The following ZNF410 variants were observed in gnomAD, a reference collection of about 807,000 sequenced individuals.
ZNF410 encodes another partner for ARF 1.
ZNF410 carries 18 observed loss-of-function variants against 54.8 expected under a neutral mutation model. That is an observed-to-expected ratio of 0.33 (90% confidence interval 0.23 to 0.49). ZNF410 has a LOEUF of 0.49. Among genes scored for constraint, ZNF410 ranks in the 20% least tolerant of loss-of-function variants. The pLI is 0.99. For synonymous variants in ZNF410, 191 were observed against 207.3 expected (o/e 0.92, Z 0.68); for missense variants, 405 against 569.6 (o/e 0.71, Z 2.94).
intron 8 of ZNF410, chr14:73,914,833 G>GGCC (rs2055639592): frequency 6.6e-6 from 1 of 150,460 alleles, no homozygotes; most frequent in South Asian, 2.1e-4. Flanking sequence ...TCAGCATGTT[G>GGCC]GCCAGGCTGG....
At chr14:73,923,244 T>C in intron 10 of ZNF410, 151 bp from the exon 11 acceptor site, 1 of 832,916 alleles carries the variant, frequency 1.2e-6, no homozygotes, top group Non-Finnish European at 1.7e-6. Flanking sequence ...TCACTGATAA[T>C]GCTTATCAGA....
At chr14:73,922,279 C>T (rs1340686475) in intron 10 of ZNF410, 73 bp downstream of exon 10, 2 of 1,462,626 alleles carry the variant, frequency 1.4e-6, no homozygotes, top group Non-Finnish European at 1.9e-6. Flanking sequence ...GGTGTCTCCA[C>T]AATGTATGTT....
chr14:73,893,590 C>T lies in ZNF410; in HGVS notation c.34-207C>T, dbSNP rs112323434. 3.1e-3 allele frequency: 1,486 copies of T among 474,450 alleles called. 13 individuals are homozygous for T. Among genetic ancestry groups the T allele is most frequent in the African/African-American group, 0.027 (1,374 of 50,402 alleles). 29.4% of individuals were successfully genotyped at this position (474,450 alleles called of 1,614,324 possible). A position where few individuals can be genotyped will look rare whatever the true frequency, so the allele number is the denominator to read the frequency against. ...ATATGTGGTCTGTTAACTGAAATGT[C>T]GTTTTGCAGCACATGACTTTATATA... On this transcript the variant is annotated intron_variant, in intron 2 of 11. Transcript: ENST00000555044.
At chr14:73,928,780 C>CA (rs889179039) in intron 11 of ZNF410, among the ~76,000 whole-genome samples, 1 of 152,018 alleles carries the variant, frequency 6.6e-6, no homozygotes, top group Non-Finnish European at 1.5e-5. Flanking sequence ...CCTGTCTCTA[C>CA]AAAAAGTTTT....
chr14:73,931,807 T>C lies in ZNF410; in HGVS notation c.*266T>C, dbSNP rs1330160957. ...CTCTTCCCACTGCAAATTTCTGGGA[T>C]AGACCAAAAGTGAATTTGATTATGT... On this transcript the variant is annotated 3_prime_UTR_variant, in exon 12 of 12. Coordinates refer to ENST00000555044, the MANE Select transcript of ZNF410 (RefSeq NM_021188.3). The C allele has an allele frequency of 4.1e-6, 2 of 483,050 alleles. No individual in the cohort carries two copies. The highest frequency in any genetic ancestry group is 2.0e-5 in the African/African-American group (1 of 50,646). 29.9% of individuals were successfully genotyped at this position (483,050 alleles called of 1,614,324 possible).
At chr14:73,911,833 T>G (rs1048745927) in intron 8 of ZNF410, among the ~76,000 whole-genome samples, 1 of 150,558 alleles carries the variant, frequency 6.6e-6, no homozygotes. Flanking sequence ...TCTTTCTACA[T>G]TGAGTTGTTG....
chr14:73,907,594 C>CA (rs1004833866), intron 7 of ZNF410, among the ~76,000 whole-genome samples: 17 of 144,140 alleles, frequency 1.2e-4, no homozygotes, highest in South Asian at 4.4e-4. Context: ...GACTCCATCT[C>CA]AAAAAAAAAA....
intron 8 of ZNF410, among the ~76,000 whole-genome samples, chr14:73,918,934 G>A (rs1459982627): frequency 1.4e-5 from 2 of 143,906 alleles, no homozygotes; most frequent in South Asian, 2.2e-4. Flanking sequence ...TCCTGACCTC[G>A]TGATCCTCCC....
chr14:73,912,169 CTTTTTTT>C (rs34162465), intron 8 of ZNF410, among the ~76,000 whole-genome samples: 2 of 128,578 alleles, frequency 1.6e-5, no homozygotes, highest in Admixed American at 7.9e-5. Context: ...CTTTCACTTT[CTTTTTTT>C]TTTTTTTTTT....
At chr14:73,923,321 G>T in intron 10 of ZNF410, 74 bp from the exon 11 acceptor site, 1 of 1,511,910 alleles carries the variant, frequency 6.6e-7, no homozygotes, top group South Asian at 1.3e-5. Context: ...AGTTGTTAAT[G>T]AGAGGCTTAA....
At chr14:73,900,573 C>T (rs111770833) in intron 5 of ZNF410, among the ~76,000 whole-genome samples, 14 of 152,144 alleles carry the variant, frequency 9.2e-5, no homozygotes, top group African/African-American at 3.4e-4. Context: ...AGGGTTTCAC[C>T]GTGTTGGCCA....
chr14:73,914,166 G>A (rs1228648121), intron 8 of ZNF410: 4 of 152,160 alleles, frequency 2.6e-5, no homozygotes, highest in Admixed American at 1.3e-4. Context: ...TCCCGAGGCT[G>A]GGACTACAGG....
intron 6 of ZNF410, among the ~76,000 whole-genome samples, chr14:73,904,659 A>C (rs944812169): frequency 6.6e-6 from 1 of 152,082 alleles, no homozygotes. Context: ...GGGTCTCGCT[A>C]TGTTGCCCAA....
At chr14:73,902,866 TTTATTCTGTTGAAC>T (rs2055428958) in intron 5 of ZNF410, among the ~76,000 whole-genome samples, 1 of 152,248 alleles carries the variant, frequency 6.6e-6, no homozygotes, top group Non-Finnish European at 1.5e-5. Flanking sequence ...CTCACCTCTC[TTTATTCTGTTGAAC>T]AAAACTCCAG....
At chr14:73,901,082 C>T (rs1373091428) in intron 5 of ZNF410, among the ~76,000 whole-genome samples, 1 of 152,216 alleles carries the variant, frequency 6.6e-6, no homozygotes, top group East Asian at 1.9e-4. Context: ...ATGTTATCTT[C>T]ACTTACAGTC....
chr14:73,898,245 C>T lies in ZNF410; in HGVS notation c.563C>T (p.Ala188Val). Residue 188 changes from alanine to valine, a missense_variant, in exon 5 of 12, where the codon GCA becomes GTA. Ala to Val is a moderately conservative substitution (Grantham distance 64). Around this residue, in one of 3 missense-constraint regions of ZNF410, gnomAD observed 247 missense variants for 342.8 expected, o/e 0.72. Coordinates refer to ENST00000555044, the MANE Select transcript of ZNF410 (RefSeq NM_021188.3). ...ACTCGTGCACAACTGGCAAAGAATG[C>T]AAAAACCAGCAGCAATGGTGAGGCC... ...AATRAQLAKN[A>V]KTSSNGENVH... 13 of 1,614,020 alleles carry T rather than the reference C, an allele frequency of 8.1e-6. No homozygotes were observed. Among genetic ancestry groups the T allele is most frequent in the Non-Finnish European group, 1.1e-5 (13 of 1,179,946 alleles).
At chr14:73,921,361 GATCCTA>G (rs1414359721) in intron 9 of ZNF410, 2 of 354,444 alleles carry the variant, frequency 5.6e-6, no homozygotes, top group Non-Finnish European at 1.0e-5. Context: ...TAATTTGCAA[GATCCTA>G]GAATCTGTAG....
chr14:73,892,555 CTTTTG>C (rs1414774967), intron 2 of ZNF410, among the ~76,000 whole-genome samples: 1 of 151,528 alleles, frequency 6.6e-6, no homozygotes, highest in Non-Finnish European at 1.5e-5. Context: ...ACTACAAATT[CTTTTG>C]TTTATTTTAT....
At chr14:73,888,432 G>C (rs2055176790) in intron 1 of ZNF410, 1 of 152,084 alleles carries the variant, frequency 6.6e-6, no homozygotes, top group South Asian at 2.1e-4. Flanking sequence ...TGCTTACTGG[G>C]AAGCTTGTAT....
Sources: allele counts gnomAD v4.1 joint callset (sites outside exome capture counted in the v4.1 genomes callset), GRCh38; gene constraint gnomAD v4.1.1; regional missense constraint gnomAD v4.1.1; transcripts MANE v1.5; gene names NCBI Gene and HGNC (gene_info 2026-07-23, HGNC 2026-07-21).